Variants in TRMT2B observed in about 807,000 individuals in gnomAD.
The protein encoded by TRMT2B is tRNA (uracil-5-)-methyltransferase homolog B.
Under a neutral mutation model 39.7 loss-of-function variants are expected in TRMT2B, and 34 were observed. The observed-to-expected ratio is 0.86, with a 90% CI of 0.65 to 1.14. The LOEUF is 1.14. Ranked by LOEUF, TRMT2B falls within the 50% of genes most tolerant of loss-of-function variation. The pLI, the probability that TRMT2B is intolerant of heterozygous loss-of-function variation, is 0.00. For synonymous variants in TRMT2B, 132 were observed against 137.3 expected (o/e 0.96, Z 0.27); for missense variants, 318 against 377.2 (o/e 0.84, Z 1.30).
intron 9 of TRMT2B, 88 bp downstream of exon 9, chrX:101,021,880 C>T: frequency 1.5e-6 from 1 of 688,696 alleles, no homozygotes; most frequent in Admixed American, 2.3e-5. Flanking sequence ...AGCCAATATC[C>T]TCCACCATCA....
chrX:100,974,431 T>C, the TRMT2B span, among the ~76,000 whole-genome samples: 1 of 109,819 alleles, frequency 9.1e-6, no homozygotes, highest in Non-Finnish European at 1.9e-5. Context: ...AGCCTGTTTA[T>C]GTAATGTCTG....
the TRMT2B span, among the ~76,000 whole-genome samples, chrX:100,989,038 C>T: frequency 9.2e-6 from 1 of 108,986 alleles, no homozygotes; most frequent in Non-Finnish European, 1.9e-5. Flanking sequence ...CCTATATGTC[C>T]AACAATGGAG....
chrX:101,033,843 CTTTTTTT>C (rs770967318), intron 7 of TRMT2B, among the ~76,000 whole-genome samples: 1 of 96,561 alleles, frequency 1.0e-5, no homozygotes, highest in African/African-American at 3.7e-5. Flanking sequence ...TTAACATTTC[CTTTTTTT>C]TTTTTTTTTG....
chrX:101,027,271 C>T (rs774912984), intron 7 of TRMT2B, among the ~76,000 whole-genome samples: 1 of 107,473 alleles, frequency 9.3e-6, no homozygotes, highest in East Asian at 2.9e-4. Context: ...CTCACTCTGT[C>T]GCCAGGTTGG....
At chrX:101,048,389 T>C (rs1209726500) in intron 2 of TRMT2B, among the ~76,000 whole-genome samples, 2 of 108,572 alleles carry the variant, frequency 1.8e-5, no homozygotes, top group Non-Finnish European at 1.9e-5. Context: ...CCCACCCCCA[T>C]CAAGAAGCAA....
chrX:100,975,467 T>TA, the TRMT2B span, among the ~76,000 whole-genome samples: 3 of 111,465 alleles, frequency 2.7e-5, no homozygotes, highest in Non-Finnish European at 5.6e-5. Context: ...GTCCATCCCC[T>TA]AAATTGTGAG....
the TRMT2B span, among the ~76,000 whole-genome samples, chrX:100,998,701 T>C: frequency 9.0e-6 from 1 of 111,588 alleles, no homozygotes; most frequent in Non-Finnish European, 1.9e-5. Flanking sequence ...TTATTTTACA[T>C]GGAGATGGGT....
chrX:101,043,354 G>A lies in TRMT2B; in HGVS notation c.-23-1042C>T, dbSNP rs750728706. Among the ~76,000 whole-genome samples, 6 of 111,266 alleles carry A rather than the reference G, an allele frequency of 5.4e-5. No individual in the cohort carries two copies. The South Asian group carries it at 1.1e-3, about 21-fold the overall frequency. On this transcript the variant is annotated intron_variant, in intron 2 of 13. Transcript: ENST00000372936. The stretch of plus-strand genomic sequence containing the variant: ...TGGGAGGTTGAGGCGGGCAGATCAC[G>A]AGGTCAGGAGTTCAAGACCAGCCTG...
intron 7 of TRMT2B, among the ~76,000 whole-genome samples, chrX:101,034,757 C>T (rs1184500306): frequency 1.8e-5 from 2 of 111,541 alleles, no homozygotes; most frequent in Non-Finnish European, 3.8e-5. Context: ...AAAGACCAGG[C>T]GCAGTGGCTC....
Position 101,019,021 on chromosome X carries a change from T to C in TRMT2B, c.1338A>G (p.Leu446=). 2.5e-6 allele frequency: 3 copies of C among 1,209,381 alleles called. No homozygotes were observed. The highest frequency in any genetic ancestry group is 1.7e-5 in the African/African-American group (1 of 57,761). ...AIRNFRAIHT[L]VFVSCKLHGE... is the part of the protein sequence containing the mutation. ...CATGGAGCTTGCAGGAAACAAAAAC[T>C]AGCGTGTGGATGGCCCTGAAGTTTC... The change falls in exon 13 of 14, where the codon CTA becomes CTG. Residue 446 remains leucine (L), a synonymous_variant. Coordinates refer to ENST00000372936, the MANE Select transcript of TRMT2B (RefSeq NM_024917.6).
the TRMT2B span, among the ~76,000 whole-genome samples, chrX:100,976,602 GT>G: frequency 6.3e-5 from 7 of 111,993 alleles, no homozygotes; most frequent in African/African-American, 3.2e-5. Context: ...TGTTTTTGTT[GT>G]TGTTGTTAGT....
the TRMT2B span, chrX:100,985,688 A>T: frequency 4.4e-5 from 53 of 1,208,005 alleles, no homozygotes; most frequent in African/African-American, 9.0e-4. Flanking sequence ...AAGACAGACC[A>T]TTGCATGAAA....
chrX:101,010,735 C>T (rs1170185875), intron 13 of TRMT2B, 28 bp from the exon 14 acceptor site: 1 of 1,192,444 alleles, frequency 8.4e-7, no homozygotes, highest in African/African-American at 1.8e-5. Context: ...AGCATCAGTT[C>T]CCAGGAATAA....
At chrX:100,980,252 G>A in the TRMT2B span, among the ~76,000 whole-genome samples, 28 of 110,829 alleles carry the variant, frequency 2.5e-4, 1 homozygote, top group Admixed American at 2.7e-3. Flanking sequence ...CTGGGGTCAG[G>A]GGCTTTAGAA....
At chrX:101,031,977 G>A (rs2087495503) in intron 7 of TRMT2B, among the ~76,000 whole-genome samples, 1 of 111,029 alleles carries the variant, frequency 9.0e-6, no homozygotes, top group Non-Finnish European at 1.9e-5. Flanking sequence ...AAATCTAATA[G>A]GAAGAATAGA....
At chrX:100,988,182 T>C in the TRMT2B span, 6 of 1,196,214 alleles carry the variant, frequency 5.0e-6, no homozygotes, top group East Asian at 5.9e-5. Flanking sequence ...GTCCTTTCCA[T>C]CTTCCACCAG....
At chrX:100,999,209 C>T in the TRMT2B span, among the ~76,000 whole-genome samples, 1 of 112,086 alleles carries the variant, frequency 8.9e-6, no homozygotes, top group African/African-American at 3.2e-5. Context: ...TGCTTAGTCT[C>T]CTTTGAAGAG....
the TRMT2B span, among the ~76,000 whole-genome samples, chrX:101,002,616 C>T: frequency 1.8e-5 from 2 of 110,520 alleles, no homozygotes; most frequent in African/African-American, 6.6e-5. Context: ...CCCATCTCTA[C>T]TAAAAATACA....
chrX:101,030,968 G>A (rs1157274378), intron 7 of TRMT2B, among the ~76,000 whole-genome samples: 1 of 108,290 alleles, frequency 9.2e-6, no homozygotes, highest in African/African-American at 3.5e-5. Context: ...ACTGGTCAAA[G>A]CCTCACTATT....
Sources: gnomAD v4.1 joint callset for allele counts (sites outside exome capture counted in the v4.1 genomes callset) on GRCh38, gnomAD v4.1.1 for gene constraint, MANE v1.5 for transcripts, NCBI Gene and HGNC (gene_info 2026-07-23, HGNC 2026-07-21) for gene names.